STARD13: variants seen among roughly 807,000 people sequenced by gnomAD.
STARD13 encodes the protein StAR related lipid transfer domain containing 13, also known as stAR-related lipid transfer protein 13.
In STARD13, 62 loss-of-function variants were observed where a neutral mutation model predicts 106.4. That is an observed-to-expected ratio of 0.58 (90% CI 0.48 to 0.72). The LOEUF (loss-of-function observed/expected upper bound fraction) is 0.72, where lower values mean the gene tolerates loss of function less well. Among genes scored for constraint, STARD13 ranks in the 30% least tolerant of loss-of-function variants. STARD13 has a pLI of 0.00. For missense variants in STARD13, 1,387 were observed against 1,424.0 expected, an observed-to-expected ratio of 0.97 and a Z score of 0.42; for synonymous variants, 565 against 553.0, an observed-to-expected ratio of 1.02 and a Z score of -0.31.
the STARD13 span, among the ~76,000 whole-genome samples, chr13:33,479,414 C>T: frequency 6.6e-6 from 1 of 152,110 alleles, no homozygotes; most frequent in African/African-American, 2.4e-5. Flanking sequence ...TGCAAAAAGA[C>T]AGATGCATAC....
the STARD13 span, among the ~76,000 whole-genome samples, chr13:33,576,959 T>G: frequency 6.6e-6 from 1 of 152,188 alleles, no homozygotes; most frequent in African/African-American, 2.4e-5. Context: ...GACAGCCGAA[T>G]GCACTGATCT....
At chr13:33,527,921 C>G in the STARD13 span, among the ~76,000 whole-genome samples, 3 of 151,080 alleles carry the variant, frequency 2.0e-5, no homozygotes, top group Non-Finnish European at 3.0e-5. Context: ...TATTAAGAAC[C>G]CGTTAACTGA....
At chr13:33,595,102 A>G in the STARD13 span, among the ~76,000 whole-genome samples, 6 of 152,352 alleles carry the variant, frequency 3.9e-5, 1 homozygote, top group South Asian at 1.2e-3. Context: ...ACTACCTTTT[A>G]GACCTGACAT....
At chr13:33,463,142 T>C in the STARD13 span, among the ~76,000 whole-genome samples, 1 of 152,280 alleles carries the variant, frequency 6.6e-6, no homozygotes, top group South Asian at 2.1e-4. Context: ...TTGGGAAGGT[T>C]CTTGATTTTG....
At chr13:33,428,225 TA>T in the STARD13 span, among the ~76,000 whole-genome samples, 4 of 152,132 alleles carry the variant, frequency 2.6e-5, no homozygotes, top group African/African-American at 7.2e-5. Flanking sequence ...ACAAAACTGC[TA>T]AATGAAAACA....
chr13:33,495,352 A>G, the STARD13 span, among the ~76,000 whole-genome samples: 1 of 152,314 alleles, frequency 6.6e-6, no homozygotes, highest in East Asian at 1.9e-4. Flanking sequence ...TGTCTTTTAC[A>G]TTAGAGACTT....
chr13:33,421,751 T>C, the STARD13 span, among the ~76,000 whole-genome samples: 1 of 152,156 alleles, frequency 6.6e-6, no homozygotes, highest in Non-Finnish European at 1.5e-5. Flanking sequence ...TCCACCACGA[T>C]CAAGGTGGCT....
chr13:33,139,304 A>C (rs149099825), intron 4 of STARD13, among the ~76,000 whole-genome samples: 1 of 152,176 alleles, frequency 6.6e-6, no homozygotes, highest in Non-Finnish European at 1.5e-5. Flanking sequence ...TGCCTCTGCT[A>C]TTTCTGTGTG....
chr13:33,258,086 C>A (rs749650433), intron 1 of STARD13, among the ~76,000 whole-genome samples: 85 of 152,342 alleles, frequency 5.6e-4, no homozygotes, highest in Non-Finnish European at 9.8e-4. Flanking sequence ...AAATGGACAG[C>A]TCCCCTTTAT....
intron 1 of STARD13, among the ~76,000 whole-genome samples, chr13:33,231,965 G>A (rs572186424): frequency 3.3e-5 from 5 of 152,086 alleles, no homozygotes; most frequent in East Asian, 1.9e-4. Context: ...AGCACATCCC[G>A]CATATATTTT....
the STARD13 span, among the ~76,000 whole-genome samples, chr13:33,454,637 G>A: frequency 1.3e-5 from 2 of 152,286 alleles, no homozygotes; most frequent in South Asian, 4.1e-4. Flanking sequence ...TCATTTAACA[G>A]ATATTTATTG....
At chr13:33,599,033 G>T in the STARD13 span, among the ~76,000 whole-genome samples, 2 of 152,168 alleles carry the variant, frequency 1.3e-5, no homozygotes, top group African/African-American at 4.8e-5. Context: ...AATTTCAATT[G>T]TGAGAGTTTC....
the STARD13 span, among the ~76,000 whole-genome samples, chr13:33,400,685 G>C: frequency 6.6e-6 from 1 of 152,056 alleles, no homozygotes; most frequent in Admixed American, 6.5e-5. Flanking sequence ...GGATGGTCTT[G>C]ATCTCCTGAC....
chr13:33,403,365 G>A, the STARD13 span, among the ~76,000 whole-genome samples: 2 of 152,358 alleles, frequency 1.3e-5, no homozygotes, highest in Non-Finnish European at 2.9e-5. Context: ...ACTTAGGAAC[G>A]ATTGTGTGGA....
chr13:33,157,599 G>A (rs774469689), intron 3 of STARD13, among the ~76,000 whole-genome samples: 2 of 152,188 alleles, frequency 1.3e-5, no homozygotes, highest in Non-Finnish European at 2.9e-5. Context: ...GAACTTGTGA[G>A]GTGGAGGTTG....
chr13:33,157,013 A>T lies in STARD13; in HGVS notation c.323+8324T>A, dbSNP rs529553730. On this transcript the variant is annotated intron_variant, in intron 3 of 13. Transcript: ENST00000336934. Reference sequence around the variant, plus strand: ...TGTAATACTGTACATTTTCTGTGATAAATATTCTAAAAGGAAAAATATTTA... The same window carrying T: ...TGTAATACTGTACATTTTCTGTGATTAATATTCTAAAAGGAAAAATATTTA... Among the ~76,000 whole-genome samples the T allele has an allele frequency of 1.3e-4, 20 of 152,302 alleles. No homozygotes were observed. The South Asian group carries it at 3.9e-3, about 30-fold the overall frequency.
chr13:33,638,235 C>T, the STARD13 span, among the ~76,000 whole-genome samples: 21 of 152,216 alleles, frequency 1.4e-4, no homozygotes, highest in African/African-American at 4.8e-4. Context: ...GGCTACAGCT[C>T]GGTTTTACAC....
chr13:33,204,319 TCAGACGCA>T (rs1887257570), intron 1 of STARD13, among the ~76,000 whole-genome samples: 1 of 152,162 alleles, frequency 6.6e-6, no homozygotes, highest in African/African-American at 2.4e-5. Context: ...ACAAAGAGTA[TCAGACGCA>T]CATCTCTCAA....
chr13:33,203,723 C>T (rs1320496438), intron 1 of STARD13, among the ~76,000 whole-genome samples: 2 of 152,172 alleles, frequency 1.3e-5, no homozygotes, highest in Non-Finnish European at 2.9e-5. Context: ...CCTTCAAGAG[C>T]AGCCTCCTAT....
Sources: gnomAD v4.1 joint callset for allele counts (sites outside exome capture counted in the v4.1 genomes callset) on GRCh38, gnomAD v4.1.1 for gene constraint, MANE v1.5 for transcripts, NCBI Gene and HGNC (gene_info 2026-07-23, HGNC 2026-07-21) for gene names.